Variants in GPR39 observed in about 807,000 individuals in gnomAD.
GPR39 encodes the protein G protein-coupled receptor 39.
GPR39 carries 23 observed loss-of-function variants against 18.4 expected under a neutral mutation model. The ratio of observed to expected loss-of-function variants is 1.25; its 90% CI spans 0.90 to 1.77. The LOEUF is 1.77. GPR39 is among the 40% of genes most tolerant of loss of function. GPR39 has a pLI of 0.00. For missense variants in GPR39, 647 were observed against 602.4 expected (o/e 1.07, Z -0.78); for synonymous variants, 280 against 257.9 (o/e 1.09, Z -0.82).
chr2:132,493,367 C>G (rs1322520806), intron 1 of GPR39, among the ~76,000 whole-genome samples: 1 of 143,386 alleles, frequency 7.0e-6, no homozygotes, highest in Non-Finnish European at 1.5e-5. Flanking sequence ...CATATATACA[C>G]TATATATATA....
At chr2:132,612,089 G>C (rs951014243) in intron 1 of GPR39, among the ~76,000 whole-genome samples, 4 of 144,230 alleles carry the variant, frequency 2.8e-5, no homozygotes, top group African/African-American at 1.0e-4. Context: ...CCTGAACTGA[G>C]TTTTCTAAAT....
rs570772177 is a variant in GPR39, at chr2:132,464,121, A to C, written c.856+46223A>C. Among the ~76,000 whole-genome samples the C allele has an allele frequency of 2.0e-5, 3 of 152,362 alleles. No individual in the cohort carries two copies. In the South Asian group the frequency reaches 6.2e-4, roughly 32 times the overall value. On this transcript the variant is annotated intron_variant, in intron 1 of 1. Transcript: ENST00000329321. ...CTGGTGAGATAGATGTTAAATTAAA[A>C]ATCACGTAGTTCTTATTTTTGAAGC... is the stretch of plus-strand genomic sequence containing the variant.
intron 1 of GPR39, among the ~76,000 whole-genome samples, chr2:132,450,716 G>A (rs558122634): frequency 2.0e-5 from 3 of 152,294 alleles, no homozygotes; most frequent in Admixed American, 2.0e-4. Flanking sequence ...TTCTGAGTGG[G>A]GTTTGAACTT....
In GPR39 at chr2:132,435,139, T is replaced by C. The variant is rs377608188; in HGVS notation, c.856+17241T>C. On this transcript the variant is annotated intron_variant, in intron 1 of 1. Coordinates refer to ENST00000329321, the MANE Select transcript of GPR39 (RefSeq NM_001508.3). ...AACGGTGAAAGAAGGGCTGGTACCA[T>C]ATGGAAACATCTTTAGAGAAATACA... Among the ~76,000 whole-genome samples, 10 of 152,272 alleles carry C rather than the reference T, an allele frequency of 6.6e-5. No individual in the cohort carries two copies. In the South Asian group the frequency reaches 1.9e-3, roughly 28 times the overall value.
intron 1 of GPR39, among the ~76,000 whole-genome samples, chr2:132,429,106 T>C (rs1680178972): frequency 1.3e-5 from 2 of 152,194 alleles, no homozygotes; most frequent in Admixed American, 1.3e-4. Context: ...AGGGCTGGCC[T>C]TTATATTTTA....
chr2:132,491,289 T>G (rs1309916104), intron 1 of GPR39, among the ~76,000 whole-genome samples: 1 of 152,166 alleles, frequency 6.6e-6, no homozygotes, highest in African/African-American at 2.4e-5. Flanking sequence ...GAGAGACAAT[T>G]CTGTGTATAT....
chr2:132,453,783 AT>A (rs1249964181), intron 1 of GPR39, among the ~76,000 whole-genome samples: 1 of 152,136 alleles, frequency 6.6e-6, no homozygotes, highest in African/African-American at 2.4e-5. Context: ...CAAAGATCAG[AT>A]GGTTGTAGAT....
At chr2:132,611,940 G>A (rs935298466) in intron 1 of GPR39, among the ~76,000 whole-genome samples, 2 of 152,072 alleles carry the variant, frequency 1.3e-5, no homozygotes, top group South Asian at 2.1e-4. Flanking sequence ...TGACTGAAAC[G>A]GAGCTTCTCA....
At chr2:132,569,347 G>A (rs1310874205) in intron 1 of GPR39, among the ~76,000 whole-genome samples, 1 of 152,086 alleles carries the variant, frequency 6.6e-6, no homozygotes, top group Non-Finnish European at 1.5e-5. Flanking sequence ...CACAGATGTT[G>A]GGCCCAGTGT....
rs1366966242 is a variant in GPR39 at position 132,646,162 on chromosome 2, G to A, written c.*556G>A. The A allele has an allele frequency of 1.9e-6, 3 of 1,611,854 alleles. No homozygotes were observed. On this transcript the variant is annotated 3_prime_UTR_variant, in exon 2 of 2. Coordinates refer to ENST00000329321, the MANE Select transcript of GPR39 (RefSeq NM_001508.3). Reference sequence around the variant, plus strand: ...TGGGCCTTGGCCCGTTACAAAGAGGGGTGTTGCAGCAGCTGATGCAAACTG... The same window carrying A: ...TGGGCCTTGGCCCGTTACAAAGAGGAGTGTTGCAGCAGCTGATGCAAACTG...
chr2:132,562,103 C>G (rs189589929), intron 1 of GPR39, among the ~76,000 whole-genome samples: 12 of 152,238 alleles, frequency 7.9e-5, no homozygotes, highest in Admixed American at 7.8e-4. Flanking sequence ...ATGTCCAGGT[C>G]ACACCCCAAT....
chr2:132,618,747 C>T (rs1241653958), intron 1 of GPR39, among the ~76,000 whole-genome samples: 1 of 152,186 alleles, frequency 6.6e-6, no homozygotes, highest in African/African-American at 2.4e-5. Flanking sequence ...CCCAATCCTC[C>T]TCTATCTTCA....
intron 1 of GPR39, among the ~76,000 whole-genome samples, chr2:132,525,171 C>G (rs190113496): frequency 2.2e-4 from 33 of 152,314 alleles, no homozygotes; most frequent in African/African-American, 7.7e-4. Context: ...TTAAACTCCC[C>G]CAGCCCTCCC....
chr2:132,561,457 C>A (rs1297965519), intron 1 of GPR39, among the ~76,000 whole-genome samples: 1 of 152,120 alleles, frequency 6.6e-6, no homozygotes, highest in African/African-American at 2.4e-5. Context: ...CAGATTACTG[C>A]CTTTGTCGTC....
intron 1 of GPR39, among the ~76,000 whole-genome samples, chr2:132,614,013 C>T (rs1186663996): frequency 6.6e-6 from 1 of 152,136 alleles, no homozygotes; most frequent in Non-Finnish European, 1.5e-5. Flanking sequence ...AGTTGGGTAG[C>T]AACTTAAGCA....
In GPR39 at chr2:132,646,159, A is replaced by G; in HGVS notation, c.*553A>G. ...TCTTGGGCCTTGGCCCGTTACAAAGAGGGGTGTTGCAGCAGCTGATGCAAA... is the reference window on the plus strand; with the variant it reads ...TCTTGGGCCTTGGCCCGTTACAAAGGGGGGTGTTGCAGCAGCTGATGCAAA... On this transcript the variant is annotated 3_prime_UTR_variant, in exon 2 of 2. Coordinates refer to ENST00000329321, the MANE Select transcript of GPR39 (RefSeq NM_001508.3). The G allele has an allele frequency of 6.2e-7, 1 of 1,612,086 alleles. No homozygotes were observed. Among genetic ancestry groups the G allele is most frequent in the Non-Finnish European group, 8.5e-7 (1 of 1,178,846 alleles).
chr2:132,586,728 T>A (rs931060939), intron 1 of GPR39, among the ~76,000 whole-genome samples: 4 of 152,234 alleles, frequency 2.6e-5, no homozygotes, highest in Non-Finnish European at 5.9e-5. Context: ...AGACACTTAC[T>A]GCGTGGTGCA....
At chr2:132,642,344 C>T in intron 1 of GPR39, among the ~76,000 whole-genome samples, 1 of 152,206 alleles carries the variant, frequency 6.6e-6, no homozygotes, top group East Asian at 1.9e-4. Flanking sequence ...CTTGTTCACA[C>T]TGAGCTTCTT....
chr2:132,573,929 C>G (rs1680485327), intron 1 of GPR39, among the ~76,000 whole-genome samples: 1 of 152,214 alleles, frequency 6.6e-6, no homozygotes, highest in Non-Finnish European at 1.5e-5. Context: ...TTAACTCTTC[C>G]TTGAAGAATG....
Sources: gnomAD v4.1 joint callset for allele counts (sites outside exome capture counted in the v4.1 genomes callset) on GRCh38, gnomAD v4.1.1 for gene constraint, MANE v1.5 for transcripts, NCBI Gene and HGNC (gene_info 2026-07-23, HGNC 2026-07-21) for gene names.